The following EYS variants were observed in gnomAD, a reference collection of about 807,000 sequenced individuals.
EYS encodes EGF-like photoreceptor maintenance factor.
In EYS, 250 loss-of-function variants were observed where a neutral mutation model predicts 282.1. The ratio of observed to expected loss-of-function variants is 0.89; its 90% CI spans 0.80 to 0.98. The LOEUF (loss-of-function observed/expected upper bound fraction) is 0.98. Ranked by LOEUF, EYS falls within the 50% of genes least tolerant of loss-of-function variation. EYS has a pLI of 0.00. For synonymous variants in EYS, 1,355 were observed against 1,282.9 expected, an observed-to-expected ratio of 1.06 and a Z score of -1.20; for missense variants, 4,016 against 3,709.0, an observed-to-expected ratio of 1.08 and a Z score of -2.15.
intron 4 of EYS, chr6:65,491,274 C>T (rs973760283): frequency 5.9e-5 from 8 of 136,466 alleles, no homozygotes; most frequent in South Asian, 3.4e-4. Context: ...GTTATATACA[C>T]ACACACACAC....
At chr6:64,306,751 C>CA (rs1171774411) in intron 30 of EYS, among the ~76,000 whole-genome samples, 6 of 151,874 alleles carry the variant, frequency 4.0e-5, no homozygotes, top group Non-Finnish European at 8.8e-5. Flanking sequence ...TTATATAGCA[C>CA]AAAAAAGATA....
intron 33 of EYS, among the ~76,000 whole-genome samples, chr6:64,054,453 C>T (rs145660383): frequency 4.6e-4 from 70 of 152,102 alleles, no homozygotes; most frequent in South Asian, 1.9e-3. Flanking sequence ...GTGGCAAGCC[C>T]ATGAGACTTG....
chr6:65,337,053 A>G (rs993607102), intron 10 of EYS, among the ~76,000 whole-genome samples: 2 of 151,492 alleles, frequency 1.3e-5, no homozygotes, highest in African/African-American at 4.8e-5. Flanking sequence ...ATCTGTAGCA[A>G]CAAAGATTAG....
intron 2 of EYS, among the ~76,000 whole-genome samples, chr6:65,529,905 T>G (rs1767700093): frequency 6.6e-6 from 1 of 152,156 alleles, no homozygotes; most frequent in Non-Finnish European, 1.5e-5. Flanking sequence ...GATCTTGGAA[T>G]TCCAGCCTCT....
chr6:64,776,651 CAT>C (rs1303819634), intron 22 of EYS, among the ~76,000 whole-genome samples: 1 of 151,982 alleles, frequency 6.6e-6, no homozygotes, highest in Non-Finnish European at 1.5e-5. Context: ...GAGCTCATCA[CAT>C]GTCTCATCAT....
chr6:64,858,809 A>G (rs569772658), intron 19 of EYS, among the ~76,000 whole-genome samples: 1 of 152,282 alleles, frequency 6.6e-6, no homozygotes, highest in Admixed American at 6.5e-5. Flanking sequence ...AAAACTTTCA[A>G]AAGATTAAGC....
At chr6:65,558,542 C>T (rs1768907585) in intron 2 of EYS, among the ~76,000 whole-genome samples, 1 of 152,162 alleles carries the variant, frequency 6.6e-6, no homozygotes, top group South Asian at 2.1e-4. Context: ...ACTGGGCAGC[C>T]CCTGCCAGCT....
intron 13 of EYS, among the ~76,000 whole-genome samples, chr6:65,026,530 C>T (rs981368224): frequency 2.6e-5 from 4 of 152,096 alleles, no homozygotes; most frequent in Non-Finnish European, 5.9e-5. Flanking sequence ...GTTATATGGG[C>T]CTGCGTTGCC....
intron 11 of EYS, among the ~76,000 whole-genome samples, chr6:65,320,753 A>G (rs1398002518): frequency 6.6e-6 from 1 of 151,882 alleles, no homozygotes; most frequent in East Asian, 2.0e-4. Context: ...CAGGTTAAAC[A>G]GGTTGCCTTA....
Position 64,066,570 on chromosome 6 carries a change from G to A in EYS, c.6572-79C>T. 7 of 1,023,012 alleles carry A rather than the reference G, an allele frequency of 6.8e-6. No homozygotes were observed. In the South Asian group the frequency reaches 9.5e-5, roughly 14 times the overall value. The allele number at this position is 1,023,012 out of a possible 1,614,324, so 63.4% of individuals were successfully genotyped here. On this transcript the variant is annotated intron_variant, in intron 32 of 42. Transcript: ENST00000503581. ...TTAACAATAATTAAACACAATCTTTGCCATCAAAGACTAATGATTTAGGGG... is the reference window on the plus strand; with the variant it reads ...TTAACAATAATTAAACACAATCTTTACCATCAAAGACTAATGATTTAGGGG...
chr6:64,845,840 G>A (rs372902074), intron 19 of EYS, among the ~76,000 whole-genome samples: 32 of 151,934 alleles, frequency 2.1e-4, no homozygotes, highest in African/African-American at 7.7e-4. Flanking sequence ...TCCTCCCTAT[G>A]TAAATTACCC....
chr6:64,030,902 C>T (rs1769792493), intron 33 of EYS, among the ~76,000 whole-genome samples: 2 of 152,244 alleles, frequency 1.3e-5, no homozygotes, highest in African/African-American at 2.4e-5. Flanking sequence ...TGCAGGGCCC[C>T]TTCATCGTCC....
intron 31 of EYS, among the ~76,000 whole-genome samples, chr6:64,094,681 A>G (rs974482700): frequency 3.9e-5 from 6 of 151,954 alleles, no homozygotes; most frequent in Non-Finnish European, 5.9e-5. Flanking sequence ...TGGTCTATCA[A>G]TGTTGTTGAT....
intron 22 of EYS, among the ~76,000 whole-genome samples, chr6:64,691,999 C>T (rs1398929727): frequency 6.6e-6 from 1 of 152,086 alleles, no homozygotes; most frequent in Non-Finnish European, 1.5e-5. Flanking sequence ...AATTTATTTT[C>T]TTGTGGATAT....
chr6:64,743,380 A>T (rs1405555307), intron 22 of EYS, among the ~76,000 whole-genome samples: 1 of 152,128 alleles, frequency 6.6e-6, no homozygotes, highest in Non-Finnish European at 1.5e-5. Context: ...TAATTGCTAC[A>T]ATTATGTAAA....
chr6:64,274,340 A>G (rs1318166861), intron 30 of EYS, among the ~76,000 whole-genome samples: 2 of 151,544 alleles, frequency 1.3e-5, no homozygotes, highest in African/African-American at 4.9e-5. Flanking sequence ...ACGCCGGGCT[A>G]ATTTTTCTGT....
chr6:63,884,042 A>C (rs1773199284), intron 35 of EYS, among the ~76,000 whole-genome samples: 1 of 152,200 alleles, frequency 6.6e-6, no homozygotes, highest in African/African-American at 2.4e-5. Flanking sequence ...TGTACCTAGA[A>C]TTATAAGCTC....
chr6:65,410,801 T>C (rs1766961510), intron 5 of EYS, among the ~76,000 whole-genome samples: 1 of 151,862 alleles, frequency 6.6e-6, no homozygotes, highest in Admixed American at 6.6e-5. Context: ...AACCTAAGTG[T>C]TCAACAATGG....
intron 13 of EYS, among the ~76,000 whole-genome samples, chr6:64,998,525 G>A (rs1331231154): frequency 6.6e-6 from 1 of 152,160 alleles, no homozygotes; most frequent in Non-Finnish European, 1.5e-5. Flanking sequence ...TTGCAGCCAT[G>A]TTTTGTACAA....
Sources: gnomAD v4.1 joint callset for allele counts (sites outside exome capture counted in the v4.1 genomes callset) on GRCh38, gnomAD v4.1.1 for gene constraint, MANE v1.5 for transcripts, NCBI Gene and HGNC (gene_info 2026-07-23, HGNC 2026-07-21) for gene names.